DNAL1: variants seen among roughly 807,000 people sequenced by gnomAD.
DNAL1 encodes chromosome 14 open reading frame 168.
Under a neutral mutation model 29.4 loss-of-function variants are expected in DNAL1, and 17 were observed. The observed-to-expected ratio is 0.58, with a 90% CI of 0.40 to 0.87. The LOEUF is 0.87. Among genes scored for constraint, DNAL1 ranks in the 40% least tolerant of loss-of-function variants. The pLI is 0.00. For missense variants in DNAL1, 188 were observed against 214.1 expected, an observed-to-expected ratio of 0.88 and a Z score of 0.76; for synonymous variants, 78 against 76.3, an observed-to-expected ratio of 1.02 and a Z score of -0.12.
intron 4 of DNAL1, among the ~76,000 whole-genome samples, chr14:73,664,295 T>G (rs1420411472): frequency 1.3e-5 from 2 of 152,218 alleles, no homozygotes; most frequent in Non-Finnish European, 2.9e-5. Context: ...CCTTTCCTCC[T>G]GTCTTTCTGC....
At position 73,700,916 on chromosome 14, in the gene DNAL1, T is replaced by C. The variant is rs1260746982; in HGVS notation, c.*4974T>C. On this transcript the variant is annotated 3_prime_UTR_variant, in exon 8 of 8. Coordinates refer to ENST00000553645, the MANE Select transcript of DNAL1 (RefSeq NM_031427.4). The stretch of plus-strand genomic sequence containing the variant: ...TCTAACATGTGTCATATTGTTTTCT[T>C]TTTGTAAACCATAAAATGGGTGAAC... 1 of 152,236 alleles carries C rather than the reference T, an allele frequency of 6.6e-6. No homozygotes were observed. The highest frequency in any genetic ancestry group is 1.5e-5 in the Non-Finnish European group (1 of 68,042). 9.4% of individuals were successfully genotyped at this position (152,236 alleles called of 1,614,324 possible). A position where few individuals can be genotyped will look rare whatever the true frequency, so the allele number is the denominator to read the frequency against.
At chr14:73,685,250 G>A (rs1891990693) in intron 5 of DNAL1, among the ~76,000 whole-genome samples, 1 of 152,090 alleles carries the variant, frequency 6.6e-6, no homozygotes, top group South Asian at 2.1e-4. Context: ...CTGAACCTCT[G>A]TAAGCATACA....
intron 1 of DNAL1, among the ~76,000 whole-genome samples, chr14:73,652,659 T>C (rs1429813972): frequency 6.6e-6 from 1 of 152,192 alleles, no homozygotes; most frequent in Non-Finnish European, 1.5e-5. Flanking sequence ...TTAGTTTTGT[T>C]AATTATTTTA....
chr14:73,660,356 G>A (rs898127894), intron 3 of DNAL1, among the ~76,000 whole-genome samples: 4 of 152,104 alleles, frequency 2.6e-5, no homozygotes, highest in African/African-American at 4.8e-5. Context: ...ATTATACCAC[G>A]TTGCCTTGAA....
intron 5 of DNAL1, among the ~76,000 whole-genome samples, 184 bp from the exon 6 acceptor site, chr14:73,687,075 T>C (rs1194099524): frequency 6.7e-6 from 1 of 149,588 alleles, no homozygotes; most frequent in East Asian, 1.9e-4. Flanking sequence ...AAGAAGGGAA[T>C]GGAATGTTCT....
At chr14:73,645,183 G>T in intron 1 of DNAL1, 141 bp downstream of exon 1, 1 of 1,477,028 alleles carries the variant, frequency 6.8e-7, no homozygotes. Flanking sequence ...GGAGTCAGGG[G>T]CCCGAGGCGA....
At position 73,697,374 on chromosome 14, in the gene DNAL1, A is replaced by ATT. The variant is rs1202338269; in HGVS notation, c.*1434_*1435dup. Reference sequence around the variant, plus strand: ...TGGGTTTCAGAAGATTTCAGCTATCATTTACATAGGAATTACTTGATTTTT... The same window carrying ATT: ...TGGGTTTCAGAAGATTTCAGCTATCATTTTTACATAGGAATTACTTGATTTTT... On this transcript the variant is annotated 3_prime_UTR_variant, in exon 8 of 8. Coordinates refer to ENST00000553645, the MANE Select transcript of DNAL1 (RefSeq NM_031427.4). The ATT allele has an allele frequency of 1.3e-5, 2 of 152,194 alleles. No individual in the cohort carries two copies. Among genetic ancestry groups the ATT allele is most frequent in the East Asian group, 3.8e-4 (2 of 5,198 alleles). 9.4% of individuals were successfully genotyped at this position (152,194 alleles called of 1,614,324 possible).
At chr14:73,694,870 G>A (rs1426990645) in intron 7 of DNAL1, among the ~76,000 whole-genome samples, 4 of 151,786 alleles carry the variant, frequency 2.6e-5, no homozygotes, top group African/African-American at 9.7e-5. Flanking sequence ...TGTATTTTTA[G>A]TAGAGATGGG....
At chr14:73,692,898 G>A (rs1892208930) in intron 7 of DNAL1, among the ~76,000 whole-genome samples, 1 of 150,992 alleles carries the variant, frequency 6.6e-6, no homozygotes. Flanking sequence ...GTGCAGTGGC[G>A]CGATCTCAGC....
intron 5 of DNAL1, among the ~76,000 whole-genome samples, chr14:73,682,337 A>ATTTTTT (rs57403758): frequency 2.5e-4 from 23 of 93,398 alleles, no homozygotes; most frequent in Non-Finnish European, 3.3e-4. Context: ...TGCCTGGCTA[A>ATTTTTT]TTTTTTTTTT....
At chr14:73,692,591 G>A (rs771398766) in intron 7 of DNAL1, among the ~76,000 whole-genome samples, 63 of 151,392 alleles carry the variant, frequency 4.2e-4, no homozygotes, top group Non-Finnish European at 6.3e-4. Context: ...CCCAGGAGGC[G>A]GAGGTTGCAG....
intron 5 of DNAL1, among the ~76,000 whole-genome samples, chr14:73,676,950 G>A (rs897875551): frequency 6.7e-6 from 1 of 150,052 alleles, no homozygotes; most frequent in African/African-American, 2.5e-5. Flanking sequence ...CTCAACATCA[G>A]TGAGTAGTAT....
chr14:73,647,378 AAAAG>A (rs1462527381), intron 1 of DNAL1, among the ~76,000 whole-genome samples: 8 of 106,532 alleles, frequency 7.5e-5, no homozygotes, highest in Admixed American at 1.2e-4. Flanking sequence ...AAAAAAAAAA[AAAAG>A]AAAAAGAAAA....
At chr14:73,695,823 C>G in intron 7 of DNAL1, 79 bp from the exon 8 acceptor site, 2 of 1,310,008 alleles carry the variant, frequency 1.5e-6, no homozygotes, top group South Asian at 2.6e-5. Flanking sequence ...GCCACCGTGC[C>G]CGGCCAGGAA....
intron 1 of DNAL1, among the ~76,000 whole-genome samples, chr14:73,647,125 G>A (rs111408344): frequency 0.027 from 4,175 of 152,032 alleles, 163 homozygotes; most frequent in African/African-American, 0.093. Flanking sequence ...TTGGTAGGCC[G>A]AGGTGGGCGG....
chr14:73,692,308 CCT>C (rs1396239045), intron 7 of DNAL1, among the ~76,000 whole-genome samples: 1 of 152,018 alleles, frequency 6.6e-6, no homozygotes, highest in Non-Finnish European at 1.5e-5. Flanking sequence ...CTGGTGAAAC[CCT>C]GTCTCTACTA....
intron 1 of DNAL1, among the ~76,000 whole-genome samples, chr14:73,646,193 A>G (rs936543902): frequency 3.9e-5 from 6 of 152,234 alleles, no homozygotes; most frequent in African/African-American, 1.4e-4. Context: ...AGACCTAAAT[A>G]TTTATGAAAG....
chr14:73,660,392 T>A (rs76630490), intron 3 of DNAL1, among the ~76,000 whole-genome samples: 3 of 152,292 alleles, frequency 2.0e-5, no homozygotes, highest in South Asian at 2.1e-4. Context: ...TACAAGTGTG[T>A]CTCATCAGGG....
rs555200273 is a variant in DNAL1, at chr14:73,677,116, G to A, written c.264+5519G>A. Among the ~76,000 whole-genome samples, 10 of 151,070 alleles carry A rather than the reference G, an allele frequency of 6.6e-5. No homozygotes were observed. The East Asian group carries it at 7.8e-4, about 12-fold the overall frequency. ...CTCCCAAGTAGCTGGGACTACAGGC[G>A]CCCGCCCCCACACCTGGCTAATTTT... On this transcript the variant is annotated intron_variant, in intron 5 of 7. Transcript: ENST00000553645.
Sources: gnomAD v4.1 joint callset for allele counts (sites outside exome capture counted in the v4.1 genomes callset) on GRCh38, gnomAD v4.1.1 for gene constraint, MANE v1.5 for transcripts, NCBI Gene and HGNC (gene_info 2026-07-23, HGNC 2026-07-21) for gene names.